ROBO1: variants seen among roughly 807,000 people sequenced by gnomAD.
The protein encoded by ROBO1 is roundabout guidance receptor 1.
Under a neutral mutation model 195.9 loss-of-function variants are expected in ROBO1, and 149 were observed. The ratio of observed to expected loss-of-function variants is 0.76; its 90% CI spans 0.67 to 0.87. The LOEUF is 0.87. Among genes scored for constraint, ROBO1 ranks in the 40% least tolerant of loss-of-function variants. The pLI, the probability that ROBO1 is intolerant of heterozygous loss-of-function variation, is 0.00. For synonymous variants in ROBO1, 816 were observed against 733.2 expected (o/e 1.11, Z -1.82); for missense variants, 1,933 against 2,068.3 (o/e 0.93, Z 1.27).
chr3:79,563,545 TA>T lies in ROBO1; in HGVS notation c.88+26278del, dbSNP rs371915515. Among the ~76,000 whole-genome samples, 218 of 152,170 alleles carry T rather than the reference TA, an allele frequency of 1.4e-3. 2 individuals are homozygous for T. Among genetic ancestry groups the T allele is most frequent in the African/African-American group, 5.1e-3 (213 of 41,550 alleles). ...TGTAAACACAATGCAAAATAATGAA[TA>T]GGGGAGAAAAACAGCCATAGTCTTT... is the stretch of plus-strand genomic sequence containing the variant. On this transcript the variant is annotated intron_variant, in intron 2 of 30. Transcript: ENST00000464233.
chr3:79,402,352 G>A (rs1317899252), intron 2 of ROBO1, among the ~76,000 whole-genome samples: 1 of 151,808 alleles, frequency 6.6e-6, no homozygotes, highest in African/African-American at 2.4e-5. Flanking sequence ...CTATGTTTAA[G>A]TTACATTTCC....
intron 4 of ROBO1, among the ~76,000 whole-genome samples, chr3:78,917,561 T>G (rs757905235): frequency 3.9e-5 from 6 of 152,162 alleles, no homozygotes; most frequent in Non-Finnish European, 8.8e-5. Flanking sequence ...CATCTAGAAA[T>G]AATTAATTTT....
At chr3:78,868,342 G>T (rs1213771703) in intron 4 of ROBO1, among the ~76,000 whole-genome samples, 1 of 148,980 alleles carries the variant, frequency 6.7e-6, no homozygotes, top group Non-Finnish European at 1.5e-5. Context: ...AGGTCTTAAT[G>T]AAAAAATAAA....
intron 2 of ROBO1, among the ~76,000 whole-genome samples, chr3:79,423,324 A>G (rs1339993424): frequency 6.6e-6 from 1 of 152,118 alleles, no homozygotes; most frequent in Admixed American, 6.6e-5. Flanking sequence ...AAAATATTTT[A>G]TTTCTTACTG....
intron 2 of ROBO1, among the ~76,000 whole-genome samples, chr3:79,479,513 G>A (rs1938724559): frequency 6.6e-6 from 1 of 152,126 alleles, no homozygotes; most frequent in African/African-American, 2.4e-5. Flanking sequence ...ACAGCCCAAG[G>A]GTTGGAGAAC....
intron 1 of ROBO1, among the ~76,000 whole-genome samples, chr3:79,679,873 G>T (rs1946892198): frequency 6.6e-6 from 1 of 152,020 alleles, no homozygotes. Context: ...TAACAGATAT[G>T]CAGGACATCA....
intron 1 of ROBO1, among the ~76,000 whole-genome samples, chr3:79,645,634 A>G (rs2106704598): frequency 6.6e-6 from 1 of 152,284 alleles, no homozygotes; most frequent in Non-Finnish European, 1.5e-5. Context: ...CCTACACTTT[A>G]TATTGAACCG....
rs1489431094 is a variant in ROBO1, at chr3:78,608,268, ATT to A, written c.4436-1229_4436-1228del. 9.7e-3 allele frequency among the ~76,000 whole-genome samples: 1,467 copies of A among 151,708 alleles called. 24 individuals are homozygous for A. Among genetic ancestry groups the A allele is most frequent in the African/African-American group, 0.033 (1,347 of 41,368 alleles). On this transcript the variant is annotated intron_variant, in intron 28 of 30. Transcript: ENST00000464233. Reference sequence around the variant, plus strand: ...CTGGGACTACATGCCACCACACCCGATTAACTTTTGTAGTTTTTGTAGAGACA... The same window carrying A: ...CTGGGACTACATGCCACCACACCCGAAACTTTTGTAGTTTTTGTAGAGACA...
intron 2 of ROBO1, among the ~76,000 whole-genome samples, chr3:79,310,260 T>G (rs975886937): frequency 3.9e-5 from 6 of 152,218 alleles, no homozygotes; most frequent in African/African-American, 1.4e-4. Flanking sequence ...CCTGACTCTG[T>G]TAAAAGCTGC....
intron 4 of ROBO1, among the ~76,000 whole-genome samples, chr3:78,797,324 A>G (rs1436452313): frequency 6.6e-6 from 1 of 152,240 alleles, no homozygotes; most frequent in Non-Finnish European, 1.5e-5. Flanking sequence ...GCACTTGTTT[A>G]CATTACTTGG....
chr3:79,247,007 T>C (rs1032330728), intron 2 of ROBO1, among the ~76,000 whole-genome samples: 3 of 151,992 alleles, frequency 2.0e-5, no homozygotes, highest in African/African-American at 7.2e-5. Flanking sequence ...TTATTATAAC[T>C]GCCATTATTG....
In ROBO1 at chr3:78,627,347, G is replaced by A. The variant is rs548651937; in HGVS notation, c.3849C>T (p.Gly1283=). ...TCCTGTCGGGCTGGTGCTGCATGTG[G>A]CCAGTCTCCTCTGGACAATCCTGTA... The part of the protein sequence containing the change: ...PMLQDCPEET[G]HMQHQPDRRR... Residue 1283 remains glycine, a synonymous_variant, in exon 26 of 31, where the codon GGC becomes GGT. Transcript: ENST00000464233. 2.5e-5 allele frequency: 41 copies of A among 1,612,508 alleles called. No homozygotes were observed. The highest frequency in any genetic ancestry group is 1.3e-4 in the Admixed American group (8 of 59,858).
chr3:78,601,032 C>T (rs1703140443), intron 29 of ROBO1, among the ~76,000 whole-genome samples: 1 of 152,124 alleles, frequency 6.6e-6, no homozygotes, highest in African/African-American at 2.4e-5. Context: ...ACCTCCTTAA[C>T]TGCTTGAAAA....
chr3:78,784,717 T>C (rs1348540975), intron 4 of ROBO1, among the ~76,000 whole-genome samples: 2 of 152,202 alleles, frequency 1.3e-5, no homozygotes, highest in African/African-American at 4.8e-5. Flanking sequence ...AAAAAACTTA[T>C]TTTGCATAGG....
intron 2 of ROBO1, among the ~76,000 whole-genome samples, chr3:79,323,843 T>C (rs1171471657): frequency 6.6e-6 from 1 of 152,154 alleles, no homozygotes; most frequent in Non-Finnish European, 1.5e-5. Context: ...AGTTGCAAAT[T>C]ACGCATTTTC....
Position 79,395,788 on chromosome 3 carries a change from C to T in ROBO1, c.88+194036G>A, listed in dbSNP as rs553142818. ...AAGACCTCTTTATTTGCTGTTAAGA[C>T]ACTATCTTAGTGTTACGTTCTAATT... On this transcript the variant is annotated intron_variant, in intron 2 of 30. Coordinates refer to ENST00000464233, the MANE Select transcript of ROBO1 (RefSeq NM_002941.4). 4.6e-5 allele frequency among the ~76,000 whole-genome samples: 7 copies of T among 152,092 alleles called. No homozygotes were observed. In the South Asian group the frequency reaches 1.5e-3, roughly 32 times the overall value.
At chr3:79,583,076 A>C (rs1438777905) in intron 2 of ROBO1, among the ~76,000 whole-genome samples, 1 of 152,010 alleles carries the variant, frequency 6.6e-6, no homozygotes, top group Non-Finnish European at 1.5e-5. Flanking sequence ...ATTAACATCT[A>C]AGACAAGACC....
At chr3:78,832,027 T>TAAGG (rs2032268635) in intron 4 of ROBO1, among the ~76,000 whole-genome samples, 1 of 86,654 alleles carries the variant, frequency 1.2e-5, no homozygotes, top group Non-Finnish European at 2.8e-5. Context: ...GAGGAAATGA[T>TAAGG]AAATGAAACA....
chr3:79,163,231 C>T (rs887778437), intron 2 of ROBO1, among the ~76,000 whole-genome samples: 2 of 152,044 alleles, frequency 1.3e-5, no homozygotes, highest in Non-Finnish European at 2.9e-5. Context: ...GTTTCAATGG[C>T]TTTGACTATT....
Sources: gnomAD v4.1 joint callset for allele counts (sites outside exome capture counted in the v4.1 genomes callset) on GRCh38, gnomAD v4.1.1 for gene constraint, MANE v1.5 for transcripts, NCBI Gene and HGNC (gene_info 2026-07-23, HGNC 2026-07-21) for gene names.